Variants in CACNA1I observed in about 807,000 individuals in gnomAD.
The protein encoded by CACNA1I is calcium voltage-gated channel subunit alpha1 I, also known as voltage-dependent T-type calcium channel subunit alpha-1I.
A neutral mutation model predicts 201.6 loss-of-function variants in CACNA1I; 74 were observed. The observed-to-expected ratio is 0.37, with a 90% CI of 0.30 to 0.45. CACNA1I has a LOEUF of 0.45. CACNA1I is among the 20% of genes least tolerant of loss of function. The probability of loss-of-function intolerance (pLI) is 1.00; values close to 1 mark genes in which losing one functional copy is unlikely to be tolerated. For synonymous variants in CACNA1I, 1,431 were observed against 1,345.2 expected (o/e 1.06, Z -1.40); for missense variants, 2,346 against 3,138.1 (o/e 0.75, Z 6.03).
At chr22:39,670,646 G>A (rs2146464061) in intron 25 of CACNA1I, among the ~76,000 whole-genome samples, 157 bp from the exon 26 acceptor site, 2 of 152,146 alleles carry the variant, frequency 1.3e-5, no homozygotes, top group Admixed American at 1.3e-4. Context: ...TTGGCTGGGT[G>A]GAGGAGATCT....
intron 10 of CACNA1I, among the ~76,000 whole-genome samples, chr22:39,655,020 A>T (rs751969267): frequency 7.9e-5 from 12 of 152,082 alleles, no homozygotes; most frequent in Non-Finnish European, 1.3e-4. Context: ...GGAGGTGGGG[A>T]TGTGGCCAGA....
At chr22:39,615,926 T>C (rs898757689) in intron 3 of CACNA1I, among the ~76,000 whole-genome samples, 1 of 152,212 alleles carries the variant, frequency 6.6e-6, no homozygotes, top group Non-Finnish European at 1.5e-5. Flanking sequence ...ATTTCCTTTT[T>C]TGACTTGGTT....
In CACNA1I at chr22:39,633,949, A is replaced by G. The variant is rs1934135014; in HGVS notation, c.581-616A>G. On this transcript the variant is annotated intron_variant, in intron 4 of 36. Coordinates refer to ENST00000402142, the MANE Select transcript of CACNA1I (RefSeq NM_021096.4). The stretch of plus-strand genomic sequence containing the variant: ...GTACTGCTGTGTCCTGACATGGTCA[A>G]GGGGAACAGTGACTGTCTCAGAGAC... 2.6e-5 allele frequency among the ~76,000 whole-genome samples: 4 copies of G among 152,328 alleles called. No homozygotes were observed. In the Middle Eastern group the frequency reaches 0.01, roughly 389 times the overall value.
chr22:39,598,193 C>G lies in CACNA1I; in HGVS notation c.279C>G (p.Cys93Trp). The G allele has an allele frequency of 6.2e-7, 1 of 1,608,680 alleles. No individual in the cohort carries two copies. The highest frequency in any genetic ancestry group is 8.5e-7 in the Non-Finnish European group (1 of 1,177,714). Residue 93 changes from cysteine to tryptophan, a missense_variant, in exon 2 of 37, where the codon TGC (cysteine) becomes TGG (tryptophan). Coordinates refer to ENST00000402142, the MANE Select transcript of CACNA1I (RefSeq NM_021096.4). ...CVSMLVILLNCVTLGMYQPCD... is the reference protein window; with the variant it reads ...CVSMLVILLNWVTLGMYQPCD... ...GCATGCTGGTGATCCTGCTGAACTG[C>G]GTGACACTTGGCATGTACCAGCCGT...
In CACNA1I at chr22:39,665,605, T is replaced by C. The variant is rs1221316103; in HGVS notation, c.3959T>C (p.Phe1320Ser). The C allele has an allele frequency of 6.2e-7, 1 of 1,613,836 alleles. No homozygotes were observed. The highest frequency in any genetic ancestry group is 8.5e-7 in the Non-Finnish European group (1 of 1,179,802). The change falls in exon 22 of 37, where the codon TTT (phenylalanine) becomes TCT (serine). Residue 1320 changes from phenylalanine (F) to serine (S), a missense_variant. Phe to Ser is a radical substitution (Grantham distance 155). Around this residue, in one of 13 missense-constraint regions of CACNA1I, gnomAD observed 228 missense variants for 395.7 expected, o/e 0.58. Transcript: ENST00000402142. The surrounding 1 kb of genome is among the most constrained non-coding windows in gnomAD (Gnocchi z 5.5). ...VLICCAFFII[F>S]GILGVQLFKG... ...ATCTGCTGTGCCTTCTTCATCATCT[T>C]TGGCATCCTGGGAGTGCAGGTGAGG... is the stretch of plus-strand genomic sequence containing the variant.
intron 5 of CACNA1I, among the ~76,000 whole-genome samples, chr22:39,635,950 A>G (rs1221084904): frequency 6.6e-6 from 1 of 151,608 alleles, no homozygotes; most frequent in Non-Finnish European, 1.5e-5. Context: ...TCTCTCTGAA[A>G]TCATCTCCTG....
At chr22:39,655,592 G>A (rs571259612) in intron 10 of CACNA1I, among the ~76,000 whole-genome samples, 5 of 152,126 alleles carry the variant, frequency 3.3e-5, no homozygotes, top group East Asian at 1.9e-4. Context: ...CTTCACATCC[G>A]TGTCCCTGCT....
At chr22:39,587,841 TCTCGGCTCACTGCAAC>T in intron 1 of CACNA1I, 1 of 387,626 alleles carries the variant, frequency 2.6e-6, no homozygotes, top group African/African-American at 2.1e-5. Context: ...AATGGTGTGA[TCTCGGCTCACTGCAAC>T]CTCTGCCTCC....
chr22:39,582,407 A>G (rs1431453144), intron 1 of CACNA1I, among the ~76,000 whole-genome samples: 1 of 152,136 alleles, frequency 6.6e-6, no homozygotes, highest in African/African-American at 2.4e-5. Flanking sequence ...TCTAGTGGGT[A>G]AAGGCCAAGT....
chr22:39,570,906 C>T lies in CACNA1I; in HGVS notation c.154C>T (p.Pro52Ser), dbSNP rs201413270. 1 of 1,613,886 alleles carries T rather than the reference C, an allele frequency of 6.2e-7. No homozygotes were observed. Among genetic ancestry groups the T allele is most frequent in the East Asian group, 2.2e-5 (1 of 44,876 alleles). Reference protein sequence around the residue: ...LDGADPHVPHPDLAPIAFFCL... With the variant: ...LDGADPHVPHSDLAPIAFFCL... ...TGGAGCTGATCCTCATGTCCCACAC[C>T]CAGACCTGGCGCCTATTGCCTTCTT... Residue 52 changes from proline to serine, a missense_variant, in exon 1 of 37, where the codon CCA becomes TCA. Physicochemically the swap from Pro to Ser is moderately conservative, Grantham distance 74. Coordinates refer to ENST00000402142, the MANE Select transcript of CACNA1I (RefSeq NM_021096.4).
chr22:39,620,012 T>TATCCATCCATCCATCC (rs564900279), intron 4 of CACNA1I, among the ~76,000 whole-genome samples: 1,808 of 92,882 alleles, frequency 0.019, 62 homozygotes, highest in African/African-American at 0.033. Context: ...TCCACCTGTC[T>TATCCATCCATCCATCC]ATCCATCCAT....
intron 7 of CACNA1I, 88 bp downstream of exon 7, chr22:39,642,977 G>GGGA: frequency 1.2e-6 from 1 of 863,540 alleles, no homozygotes; most frequent in Middle Eastern, 2.3e-4. Context: ...GGAGTCCCTA[G>GGGA]GGAGCCCCTC....
intron 4 of CACNA1I, among the ~76,000 whole-genome samples, chr22:39,633,188 T>C (rs183546000): frequency 2.6e-5 from 4 of 152,240 alleles, no homozygotes; most frequent in Non-Finnish European, 5.9e-5. Context: ...ACATCATTCA[T>C]TCATGAGTAG....
intron 2 of CACNA1I, 116 bp downstream of exon 2, chr22:39,598,378 C>G: frequency 1.6e-6 from 1 of 634,586 alleles, no homozygotes. Context: ...CCACTCCATG[C>G]CCCGCCCCGC....
At chr22:39,604,792 C>T (rs1255163115) in intron 3 of CACNA1I, among the ~76,000 whole-genome samples, 2 of 151,670 alleles carry the variant, frequency 1.3e-5, no homozygotes, top group Non-Finnish European at 2.9e-5. Context: ...CAAGCTCTCA[C>T]TATGTGACCT....
At chr22:39,628,405 C>T (rs3788571) in intron 4 of CACNA1I, among the ~76,000 whole-genome samples, 64,665 of 151,524 alleles carry the variant, frequency 0.43, 14,972 homozygotes, top group East Asian at 0.9. Context: ...TGGTAGGACA[C>T]TTGAAGGATG....
intron 1 of CACNA1I, among the ~76,000 whole-genome samples, chr22:39,594,589 G>A (rs768653347): frequency 2.6e-5 from 4 of 152,006 alleles, no homozygotes; most frequent in African/African-American, 7.3e-5. Flanking sequence ...AAGAGGCCAC[G>A]AGTAGGCAGC....
intron 24 of CACNA1I, among the ~76,000 whole-genome samples, chr22:39,669,252 C>G (rs1298704604): frequency 6.6e-6 from 1 of 152,192 alleles, no homozygotes; most frequent in Admixed American, 6.5e-5. Context: ...GGGTCCCACC[C>G]AGTAAGGCTC....
rs1935175904 is a variant in CACNA1I, at chr22:39,665,878, C to T, written c.3979-3C>T. On this transcript the variant is annotated splice_polypyrimidine_tract_variant and splice_region_variant and intron_variant, in intron 22 of 36. Coordinates refer to ENST00000402142, the MANE Select transcript of CACNA1I (RefSeq NM_021096.4). This position sits in a 1 kb window ranked among gnomAD's most constrained non-coding sequence, Gnocchi z 5.5. ...GAGCACCAACCTCACCCCCTTTCCCCAGCTCTTCAAGGGCAAGTTCTACCA... is the reference window on the plus strand; with the variant it reads ...GAGCACCAACCTCACCCCCTTTCCCTAGCTCTTCAAGGGCAAGTTCTACCA... 2 of 1,613,860 alleles carry T rather than the reference C, an allele frequency of 1.2e-6. No individual in the cohort carries two copies. The highest frequency in any genetic ancestry group is 4.5e-5 in the East Asian group (2 of 44,876).
Sources: allele counts gnomAD v4.1 joint callset (sites outside exome capture counted in the v4.1 genomes callset), GRCh38; gene constraint gnomAD v4.1.1; regional missense constraint gnomAD v4.1.1; non-coding constraint Gnocchi (gnomAD v3.1); transcripts MANE v1.5; gene names NCBI Gene and HGNC (gene_info 2026-07-23, HGNC 2026-07-21).